MRTFA: variants seen among roughly 807,000 people sequenced by gnomAD.
MRTFA encodes myocardin-related transcription factor A.
Under a neutral mutation model 83.5 loss-of-function variants are expected in MRTFA, and 20 were observed. The observed-to-expected ratio is 0.24, with a 90% confidence interval of 0.17 to 0.35. The LOEUF is 0.35. MRTFA is among the 10% of genes least tolerant of loss of function. MRTFA has a pLI of 1.00. For missense variants in MRTFA, 1,200 were observed against 1,224.7 expected (o/e 0.98, Z 0.30); for synonymous variants, 659 against 541.2 (o/e 1.22, Z -3.02).
chr22:40,565,225 C>T lies in MRTFA; in HGVS notation c.-21-12858G>A, dbSNP rs570474438. Among the ~76,000 whole-genome samples, 5 of 152,238 alleles carry T rather than the reference C, an allele frequency of 3.3e-5. No individual in the cohort carries two copies. The South Asian group carries it at 1.0e-3, about 32-fold the overall frequency. ...TCCCTTAACTAAACAACATAAATTGCCTTTCAGTCTTATGGAACTCATGAA... is the reference window on the plus strand; with the variant it reads ...TCCCTTAACTAAACAACATAAATTGTCTTTCAGTCTTATGGAACTCATGAA... On this transcript the variant is annotated intron_variant, in intron 2 of 14. Coordinates refer to ENST00000355630, the MANE Select transcript of MRTFA (RefSeq NM_020831.6).
intron 1 of MRTFA, among the ~76,000 whole-genome samples, chr22:40,626,770 C>A (rs959994965): frequency 2.0e-5 from 3 of 151,810 alleles, no homozygotes; most frequent in Non-Finnish European, 2.9e-5. Flanking sequence ...GAGTTCAAGG[C>A]GGGAGAACTG....
intron 1 of MRTFA, among the ~76,000 whole-genome samples, chr22:40,623,843 G>C (rs771002281): frequency 6.6e-6 from 1 of 152,142 alleles, no homozygotes; most frequent in Non-Finnish European, 1.5e-5. Context: ...CACCAAGCAT[G>C]GTGGTTCACG....
At position 40,507,158 on chromosome 22, in the gene MRTFA, G is replaced by A. The variant is rs185590883; in HGVS notation, c.242-43872C>T. 4.3e-3 allele frequency among the ~76,000 whole-genome samples: 658 copies of A among 152,234 alleles called. 6 individuals carry two copies. Among genetic ancestry groups the A allele is most frequent in the Non-Finnish European group, 4.2e-3 (284 of 68,016 alleles). Reference sequence around the variant, plus strand: ...GTGGATCACTTCAGTGCAGGAATTTGAGACCAACCTGGGCAACAAGGCAAA... The same window carrying A: ...GTGGATCACTTCAGTGCAGGAATTTAAGACCAACCTGGGCAACAAGGCAAA... On this transcript the variant is annotated intron_variant, in intron 3 of 14. Transcript: ENST00000355630.
At chr22:40,425,236 G>C (rs1200034829) in intron 7 of MRTFA, among the ~76,000 whole-genome samples, 1 of 152,202 alleles carries the variant, frequency 6.6e-6, no homozygotes, top group Non-Finnish European at 1.5e-5. Context: ...GGAAAGATGG[G>C]AACAGAGGCA....
chr22:40,466,829 T>A (rs545180336), intron 3 of MRTFA, among the ~76,000 whole-genome samples: 190 of 152,308 alleles, frequency 1.2e-3, no homozygotes, highest in Admixed American at 4.3e-3. Flanking sequence ...AACTTCTTGC[T>A]TCATGAACGC....
chr22:40,449,841 TC>T (rs1367561211), intron 4 of MRTFA, among the ~76,000 whole-genome samples: 1 of 152,234 alleles, frequency 6.6e-6, no homozygotes, highest in African/African-American at 2.4e-5. Context: ...TTTGCCATCT[TC>T]CTCACACCCT....
chr22:40,496,760 G>C (rs1262847142), intron 3 of MRTFA, among the ~76,000 whole-genome samples: 1 of 145,246 alleles, frequency 6.9e-6, no homozygotes, highest in Non-Finnish European at 1.5e-5. Context: ...TCTCCCTTTT[G>C]TTTATCTGTA....
intron 3 of MRTFA, among the ~76,000 whole-genome samples, chr22:40,538,662 C>T (rs1332611166): frequency 6.6e-6 from 1 of 152,124 alleles, no homozygotes; most frequent in Non-Finnish European, 1.5e-5. Flanking sequence ...AGCACAGCAA[C>T]ATTCATTGTG....
rs558566028 is a variant in MRTFA, at chr22:40,481,974, C to T, written c.242-18688G>A. 4.6e-5 allele frequency among the ~76,000 whole-genome samples: 7 copies of T among 151,476 alleles called. No individual in the cohort carries two copies. The South Asian group carries it at 6.3e-4, about 14-fold the overall frequency. ...ACTCGGGAGGCTGAGGCAGGAGAGT[C>T]GCTGGAACCCGGGAGGCAGAGCGTG... On this transcript the variant is annotated intron_variant, in intron 3 of 14. Coordinates refer to ENST00000355630, the MANE Select transcript of MRTFA (RefSeq NM_020831.6).
rs746278789 is a variant in MRTFA, at chr22:40,419,119, C to T, written c.1619G>A (p.Gly540Glu). The change falls in exon 12 of 15, where the codon GGG becomes GAG. Residue 540 changes from glycine (G) to glutamate (E), a missense_variant. Around this residue, in one of 2 missense-constraint regions of MRTFA, gnomAD observed 1,107 missense variants for 1,041.8 expected, o/e 1.06. Coordinates refer to ENST00000355630, the MANE Select transcript of MRTFA (RefSeq NM_020831.6). ...GCCCGTGCTGCCAAACTTCACCACC[C>T]CACTGCTGGCCACCGTGGCCACCAC... 312 of 1,589,854 alleles carry T rather than the reference C, an allele frequency of 2.0e-4. No homozygotes were observed. The highest frequency in any genetic ancestry group is 2.2e-4 in the Non-Finnish European group (257 of 1,168,300).
intron 4 of MRTFA, among the ~76,000 whole-genome samples, chr22:40,436,947 C>CG (rs201307223): frequency 6.6e-6 from 1 of 152,118 alleles, no homozygotes; most frequent in Non-Finnish European, 1.5e-5. Flanking sequence ...CCACCCCCAG[C>CG]GGGGGGCTGG....
intron 3 of MRTFA, among the ~76,000 whole-genome samples, chr22:40,515,601 G>A (rs867215938): frequency 2.0e-5 from 3 of 152,110 alleles, no homozygotes; most frequent in African/African-American, 4.8e-5. Flanking sequence ...GCTGGGGCAC[G>A]AGAATCGTTT....
At chr22:40,547,137 A>G (rs1244180953) in intron 3 of MRTFA, among the ~76,000 whole-genome samples, 1 of 152,022 alleles carries the variant, frequency 6.6e-6, no homozygotes, top group Non-Finnish European at 1.5e-5. Context: ...CCTGGGCGAC[A>G]GAGTGAGACT....
chr22:40,547,440 C>T (rs542371852), intron 3 of MRTFA, among the ~76,000 whole-genome samples: 1 of 152,094 alleles, frequency 6.6e-6, no homozygotes, highest in Admixed American at 6.6e-5. Flanking sequence ...GACATTTGTG[C>T]AGGAACTTCA....
chr22:40,507,147 T>G (rs1294969412), intron 3 of MRTFA, among the ~76,000 whole-genome samples: 1 of 152,084 alleles, frequency 6.6e-6, no homozygotes, highest in Non-Finnish European at 1.5e-5. Flanking sequence ...ATCACTTCAG[T>G]GCAGGAATTT....
At chr22:40,417,719 G>A (rs1050204944) in intron 12 of MRTFA, 2 of 547,176 alleles carry the variant, frequency 3.7e-6, no homozygotes, top group Non-Finnish European at 6.5e-6. Flanking sequence ...TGAGGTTTGG[G>A]AGAGGTCTCT....
chr22:40,541,291 CTG>C (rs1386961236), intron 3 of MRTFA, among the ~76,000 whole-genome samples: 5 of 152,142 alleles, frequency 3.3e-5, no homozygotes, highest in Admixed American at 3.3e-4. Context: ...TTTATGAACT[CTG>C]TGGGATTTCA....
chr22:40,411,794 G>A lies in MRTFA; in HGVS notation c.2692C>T (p.Pro898Ser), dbSNP rs573371931. The A allele has an allele frequency of 2.9e-5, 45 of 1,529,528 alleles. No individual in the cohort carries two copies. In the Admixed American group the frequency reaches 6.3e-4, roughly 21 times the overall value. 94.7% of individuals were successfully genotyped at this position (1,529,528 alleles called of 1,614,324 possible). Reference sequence around the variant, plus strand: ...CCTGGAGGAGGTGGGGCAGCCTGGGGGAGCTCAGCAGAAGGTGATGGCTGT... The same window carrying A: ...CCTGGAGGAGGTGGGGCAGCCTGGGAGAGCTCAGCAGAAGGTGATGGCTGT... The change falls in exon 15 of 15, where the codon CCC (proline) becomes TCC (serine). Residue 898 changes from proline to serine, a missense_variant. Transcript: ENST00000355630.
intron 4 of MRTFA, among the ~76,000 whole-genome samples, chr22:40,449,274 GAAAAA>G (rs35140973): frequency 1.1e-5 from 1 of 88,008 alleles, no homozygotes; most frequent in Non-Finnish European, 2.2e-5. Flanking sequence ...CTCCAAACGA[GAAAAA>G]AAAAAAAAAA....
Sources: gnomAD v4.1 joint callset for allele counts (sites outside exome capture counted in the v4.1 genomes callset) on GRCh38, gnomAD v4.1.1 for gene constraint, gnomAD v4.1.1 regional missense constraint, MANE v1.5 for transcripts, NCBI Gene and HGNC (gene_info 2026-07-23, HGNC 2026-07-21) for gene names.